Variants in CDH13 observed in about 807,000 individuals in gnomAD.
CDH13 encodes cadherin-13.
Under a neutral mutation model 63.8 loss-of-function variants are expected in CDH13, and 24 were observed. The observed-to-expected ratio is 0.38, with a 90% CI of 0.27 to 0.53. CDH13 has a LOEUF of 0.53. Ranked by LOEUF, CDH13 falls within the 20% of genes least tolerant of loss-of-function variation. The pLI is 0.85. For synonymous variants in CDH13, 503 were observed against 355.3 expected (o/e 1.42, Z -4.67); for missense variants, 1,049 against 903.1 (o/e 1.16, Z -2.07).
At chr16:83,264,595 C>T (rs1442584257) in intron 5 of CDH13, among the ~76,000 whole-genome samples, 1 of 151,226 alleles carries the variant, frequency 6.6e-6, no homozygotes, top group African/African-American at 2.4e-5. Context: ...TATATATGCC[C>T]TTTAAGACTA....
chr16:83,657,386 A>C (rs1451574954), intron 8 of CDH13, among the ~76,000 whole-genome samples: 1 of 152,004 alleles, frequency 6.6e-6, no homozygotes, highest in East Asian at 1.9e-4. Flanking sequence ...AGGGATCTCT[A>C]CTCTGATCCC....
chr16:82,659,356 G>A (rs545966083), intron 1 of CDH13, among the ~76,000 whole-genome samples: 9 of 152,250 alleles, frequency 5.9e-5, no homozygotes, highest in African/African-American at 2.2e-4. Flanking sequence ...CTGGAAAGAC[G>A]GCCTTGCCAT....
intron 6 of CDH13, among the ~76,000 whole-genome samples, chr16:83,428,938 C>T (rs545427546): frequency 4.6e-5 from 7 of 152,330 alleles, no homozygotes; most frequent in African/African-American, 1.7e-4. Context: ...TAATAACCAA[C>T]TCTAGGGGTT....
chr16:83,355,837 A>T (rs2091041808), intron 6 of CDH13, among the ~76,000 whole-genome samples: 1 of 152,196 alleles, frequency 6.6e-6, no homozygotes, highest in Non-Finnish European at 1.5e-5. Flanking sequence ...GAGGGAGATG[A>T]TGCCTGTCCC....
intron 10 of CDH13, among the ~76,000 whole-genome samples, chr16:83,720,846 G>T (rs1161598503): frequency 2.6e-5 from 4 of 152,174 alleles, no homozygotes; most frequent in African/African-American, 7.2e-5. Context: ...TTCAAGCAAG[G>T]TCCTGTCATA....
At chr16:83,673,065 T>A (rs1282489537) in intron 9 of CDH13, among the ~76,000 whole-genome samples, 1 of 152,242 alleles carries the variant, frequency 6.6e-6, no homozygotes, top group Non-Finnish European at 1.5e-5. Context: ...TAATATACAG[T>A]ACTATAATTG....
chr16:83,171,002 T>G (rs1324330979), intron 4 of CDH13, among the ~76,000 whole-genome samples: 1 of 152,048 alleles, frequency 6.6e-6, no homozygotes, highest in Non-Finnish European at 1.5e-5. Flanking sequence ...GCCTCCTTTT[T>G]TTTGAGGGAA....
At chr16:83,584,607 C>G (rs1213350298) in intron 7 of CDH13, among the ~76,000 whole-genome samples, 1 of 152,162 alleles carries the variant, frequency 6.6e-6, no homozygotes, top group South Asian at 2.1e-4. Flanking sequence ...TGAAGAAAGG[C>G]AAAAGTGAGT....
At chr16:82,938,791 A>C (rs2042745591) in intron 2 of CDH13, among the ~76,000 whole-genome samples, 1 of 152,228 alleles carries the variant, frequency 6.6e-6, no homozygotes, top group Admixed American at 6.5e-5. Context: ...TCCTGTAAGA[A>C]AACTCTGGAA....
At chr16:83,096,507 C>T (rs1273041838) in intron 3 of CDH13, among the ~76,000 whole-genome samples, 1 of 152,198 alleles carries the variant, frequency 6.6e-6, no homozygotes. Flanking sequence ...AAAAATTATC[C>T]TTGGGCTATG....
chr16:83,609,025 C>CT (rs1196746546), intron 8 of CDH13, among the ~76,000 whole-genome samples: 7 of 151,528 alleles, frequency 4.6e-5, no homozygotes, highest in South Asian at 2.1e-4. Context: ...AGTTTAGAAA[C>CT]TTTTTTTTTG....
At chr16:82,984,160 C>T (rs79860068) in intron 2 of CDH13, among the ~76,000 whole-genome samples, 2,879 of 152,318 alleles carry the variant, frequency 0.019, 37 homozygotes, top group South Asian at 0.031. Flanking sequence ...AAGGGAAGGG[C>T]TTGAAAGGAA....
At chr16:83,173,381 A>T in intron 4 of CDH13, among the ~76,000 whole-genome samples, 1 of 152,234 alleles carries the variant, frequency 6.6e-6, no homozygotes, top group African/African-American at 2.4e-5. Context: ...TAAATATGCT[A>T]TTATCTTAGG....
At chr16:83,552,424 C>A (rs901849624) in intron 7 of CDH13, among the ~76,000 whole-genome samples, 1 of 152,186 alleles carries the variant, frequency 6.6e-6, no homozygotes, top group Non-Finnish European at 1.5e-5. Flanking sequence ...ACCAATTGCT[C>A]GTGCTCACAT....
At chr16:83,241,291 A>C (rs1448335475) in intron 5 of CDH13, among the ~76,000 whole-genome samples, 1 of 152,168 alleles carries the variant, frequency 6.6e-6, no homozygotes, top group African/African-American at 2.4e-5. Context: ...ATTACACTTC[A>C]CTGGGTATGC....
intron 3 of CDH13, among the ~76,000 whole-genome samples, chr16:83,055,665 AC>A (rs943583295): frequency 1.6e-4 from 25 of 152,192 alleles, no homozygotes; most frequent in African/African-American, 5.8e-4. Context: ...ATTCCACCAA[AC>A]TTTTAAAGAA....
Position 83,779,986 on chromosome 16 carries a change from G to C in CDH13, c.1700G>C (p.Gly567Ala), listed in dbSNP as rs1915408811. 1 of 1,610,346 alleles carries C rather than the reference G, an allele frequency of 6.2e-7. No homozygotes were observed. The highest frequency in any genetic ancestry group is 8.5e-7 in the Non-Finnish European group (1 of 1,176,810). The change falls in exon 12 of 14, where the codon GGC (glycine) becomes GCC (alanine). Residue 567 changes from glycine (G) to alanine (A), a missense_variant. Gly to Ala is a moderately conservative substitution (Grantham distance 60, BLOSUM62 0). Transcript: ENST00000567109. Reference protein sequence around the residue: ...AIDSGNPPATGTGTLLITLED... With the variant: ...AIDSGNPPATATGTLLITLED... ...CCCACAGGCAACCCTCCCGCTACGG[G>C]CACTGGGACTTTGCTGATAACCCTG...
intron 1 of CDH13, among the ~76,000 whole-genome samples, chr16:82,839,470 A>G (rs1993765): frequency 0.32 from 48,084 of 152,074 alleles, 8,840 homozygotes; most frequent in East Asian, 0.8. Flanking sequence ...TTCCTGGGAT[A>G]TGGGACCTCT....
chr16:83,407,111 G>T (rs1161244699), intron 6 of CDH13, among the ~76,000 whole-genome samples: 1 of 152,180 alleles, frequency 6.6e-6, no homozygotes, highest in Non-Finnish European at 1.5e-5. Flanking sequence ...CGCCTACTGT[G>T]TGCCAGGCAG....
Sources: allele counts gnomAD v4.1 joint callset (sites outside exome capture counted in the v4.1 genomes callset), GRCh38; gene constraint gnomAD v4.1.1; transcripts MANE v1.5; gene names NCBI Gene and HGNC (gene_info 2026-07-23, HGNC 2026-07-21).